The following DERA variants were observed in gnomAD, a reference collection of about 807,000 sequenced individuals.
DERA encodes the protein 2-deoxy-D-ribose 5-phosphate aldolase.
Under a neutral mutation model 41.1 loss-of-function variants are expected in DERA, and 15 were observed. The observed-to-expected ratio is 0.37, with a 90% CI of 0.24 to 0.56. DERA has a LOEUF of 0.56. Among genes scored for constraint, DERA ranks in the 20% least tolerant of loss-of-function variants. The pLI, the probability that DERA is intolerant of heterozygous loss-of-function variation, is 0.81. For missense variants in DERA, 396 were observed against 403.4 expected (o/e 0.98, Z 0.16); for synonymous variants, 139 against 137.4 (o/e 1.01, Z -0.08).
chr12:15,930,066 G>T (rs544404427), intron 1 of DERA, among the ~76,000 whole-genome samples: 2 of 152,278 alleles, frequency 1.3e-5, no homozygotes, highest in East Asian at 3.9e-4. Flanking sequence ...ATTAAATGAG[G>T]TATTATTTGT....
rs79451533 is a variant in DERA, at chr12:15,996,737, A to T, written c.637+14301A>T. ...AGGATTCTTGCTTTATGGTCTTATTATTTTCTGTCAAGAAGACCTGAAGAA... is the reference window on the plus strand; with the variant it reads ...AGGATTCTTGCTTTATGGTCTTATTTTTTTCTGTCAAGAAGACCTGAAGAA... On this transcript the variant is annotated intron_variant, in intron 6 of 8. Coordinates refer to ENST00000428559, the MANE Select transcript of DERA (RefSeq NM_015954.4). This position sits in a 1 kb window ranked among gnomAD's most constrained non-coding sequence, Gnocchi z 4.7. Among the ~76,000 whole-genome samples, 8,616 of 152,214 alleles carry T rather than the reference A, an allele frequency of 0.057. 332 individuals carry two copies. Among genetic ancestry groups the T allele is most frequent in the Middle Eastern group, 0.099 (29 of 294 alleles).
Position 16,010,737 on chromosome 12 carries a change from G to T in DERA, c.638-21805G>T, listed in dbSNP as rs1032540618. Among the ~76,000 whole-genome samples the T allele has an allele frequency of 4.6e-5, 7 of 152,024 alleles. No individual in the cohort carries two copies. The highest frequency in any genetic ancestry group is 1.7e-4 in the African/African-American group (7 of 41,390). On this transcript the variant is annotated intron_variant, in intron 6 of 8. Transcript: ENST00000428559. The surrounding 1 kb of genome is among the most constrained non-coding windows in gnomAD (Gnocchi z 5.5). Reference sequence around the variant, plus strand: ...AAATGCTTTCCATTCAGGGCTGTTTGAAAGTTCACCTGTCTATGGATCTGC... The same window carrying T: ...AAATGCTTTCCATTCAGGGCTGTTTTAAAGTTCACCTGTCTATGGATCTGC...
rs1949130629 is a variant in DERA at position 16,036,627 on chromosome 12, AATT to A, written c.901-58_901-56del. On this transcript the variant is annotated intron_variant, in intron 8 of 8. Coordinates refer to ENST00000428559, the MANE Select transcript of DERA (RefSeq NM_015954.4). This position sits in a 1 kb window ranked among gnomAD's most constrained non-coding sequence, Gnocchi z 4.9. ...ACTATTTATTATTATTTGATAGTAT[AATT>A]ATTAACTGATGTGTATAATTATAGA... 2.5e-6 allele frequency: 3 copies of A among 1,218,052 alleles called. No homozygotes were observed. Among genetic ancestry groups the A allele is most frequent in the Non-Finnish European group, 1.2e-6 (1 of 843,996 alleles). The allele number at this position is 1,218,052 out of a possible 1,614,324, so 75.5% of individuals were successfully genotyped here. A position where few individuals can be genotyped will look rare whatever the true frequency, so the allele number is the denominator to read the frequency against.
At chr12:15,973,013 T>G (rs1169733697) in intron 5 of DERA, among the ~76,000 whole-genome samples, 1 of 152,136 alleles carries the variant, frequency 6.6e-6, no homozygotes, top group Non-Finnish European at 1.5e-5. Flanking sequence ...CACACAGGCC[T>G]TTCTCATTGT....
intron 6 of DERA, among the ~76,000 whole-genome samples, chr12:16,027,007 A>C (rs1477785426): frequency 6.6e-6 from 1 of 152,182 alleles, no homozygotes; most frequent in African/African-American, 2.4e-5. Flanking sequence ...GTTCAACATA[A>C]TGTAATCCAT....
rs1451956489 is a variant in DERA at position 15,982,822 on chromosome 12, C to G, written c.637+386C>G. On this transcript the variant is annotated intron_variant, in intron 6 of 8. Coordinates refer to ENST00000428559, the MANE Select transcript of DERA (RefSeq NM_015954.4). The surrounding 1 kb of genome is among the most constrained non-coding windows in gnomAD (Gnocchi z 4.0). ...TCTCAGAGATATATATCCATACTAT[C>G]TGAGACAGCCTCTGCTTTTGTTTGT... is the stretch of plus-strand genomic sequence containing the variant. Among the ~76,000 whole-genome samples, 1 of 152,214 alleles carries G rather than the reference C, an allele frequency of 6.6e-6. No individual in the cohort carries two copies. The highest frequency in any genetic ancestry group is 2.4e-5 in the African/African-American group (1 of 41,460).
intron 5 of DERA, among the ~76,000 whole-genome samples, chr12:15,978,301 T>C (rs976840008): frequency 1.3e-5 from 2 of 152,180 alleles, no homozygotes; most frequent in African/African-American, 4.8e-5. Flanking sequence ...TATTTTTTCT[T>C]ATATGTAAGA....
rs774948387 is a variant in DERA at position 16,036,732 on chromosome 12, C to G, written c.943C>G (p.Leu315Val). The change falls in exon 9 of 9, where the codon CTT becomes GTT. Residue 315 changes from leucine (L) to valine (V), a missense_variant. Coordinates refer to ENST00000428559, the MANE Select transcript of DERA (RefSeq NM_015954.4). This position sits in a 1 kb window ranked among gnomAD's most constrained non-coding sequence, Gnocchi z 4.9. ...VTGRYAAYHD[L>V]PMS ...TGGAAGATATGCAGCTTATCATGAT[C>G]TTCCAATGTCTTAAATCAGTCACCA... is the stretch of plus-strand genomic sequence containing the variant. 1 of 1,597,266 alleles carries G rather than the reference C, an allele frequency of 6.3e-7. No homozygotes were observed. The highest frequency in any genetic ancestry group is 8.5e-7 in the Non-Finnish European group (1 of 1,174,232).
intron 1 of DERA, among the ~76,000 whole-genome samples, chr12:15,929,979 G>A (rs1307612857): frequency 1.3e-5 from 2 of 152,100 alleles, no homozygotes; most frequent in African/African-American, 4.8e-5. Flanking sequence ...TCAAATCCTG[G>A]TTCTTCTACC....
rs1051307623 is a variant in DERA at position 16,020,062 on chromosome 12, G to C, written c.638-12480G>C. 6.6e-6 allele frequency among the ~76,000 whole-genome samples: 1 copy of C among 152,142 alleles called. No homozygotes were observed. The highest frequency in any genetic ancestry group is 2.4e-5 in the African/African-American group (1 of 41,432). On this transcript the variant is annotated intron_variant, in intron 6 of 8. Transcript: ENST00000428559. This position sits in a 1 kb window ranked among gnomAD's most constrained non-coding sequence, Gnocchi z 5.5. ...GCCTGCTCTCTTTGCTTTCTGCTGT[G>C]ATTGTAAGCCTCCCAGGAGCCTCTC...
chr12:15,957,039 G>C lies in DERA; in HGVS notation c.129+6G>C, dbSNP rs1948545698. 6.2e-7 allele frequency: 1 copy of C among 1,611,580 alleles called. No individual in the cohort carries two copies. The highest frequency in any genetic ancestry group is 8.5e-7 in the Non-Finnish European group (1 of 1,177,890). Reference sequence around the variant, plus strand: ...CCGTGAAAAAGGAGTGGCAGGTAAGGGTTCTTCTTGAGCATTCTGTGCCTG... The same window carrying C: ...CCGTGAAAAAGGAGTGGCAGGTAAGCGTTCTTCTTGAGCATTCTGTGCCTG... On this transcript the variant is annotated splice_donor_region_variant and intron_variant, in intron 2 of 8. Coordinates refer to ENST00000428559, the MANE Select transcript of DERA (RefSeq NM_015954.4). The surrounding 1 kb of genome is among the most constrained non-coding windows in gnomAD (Gnocchi z 4.8).
At chr12:15,925,998 T>C (rs750693022) in intron 1 of DERA, among the ~76,000 whole-genome samples, 10 of 151,784 alleles carry the variant, frequency 6.6e-5, no homozygotes, top group Non-Finnish European at 1.5e-4. Flanking sequence ...GATTTTTGTA[T>C]TTTTAGTAGA....
chr12:15,959,902 C>A lies in DERA; in HGVS notation c.351C>A (p.Gly117=), dbSNP rs368204530. 1.5e-4 allele frequency: 231 copies of A among 1,548,036 alleles called. No individual in the cohort carries two copies. Among genetic ancestry groups the A allele is most frequent in the Non-Finnish European group, 6.1e-5 (70 of 1,143,774 alleles). The change falls in exon 4 of 9, where the codon GGC becomes GGA. Residue 117 remains glycine, a synonymous_variant. Coordinates refer to ENST00000428559, the MANE Select transcript of DERA (RefSeq NM_015954.4). The surrounding 1 kb of genome is among the most constrained non-coding windows in gnomAD (Gnocchi z 4.5). ...CDAVKALKAA[G]CNIPVASVAA... The stretch of plus-strand genomic sequence containing the variant: ...CTGTAAAAGCACTCAAGGCTGCAGG[C>A]TGTAATATCCCTGTGGCATCAGGTA...
In DERA at chr12:16,014,365, T is replaced by C. The variant is rs1486005931; in HGVS notation, c.638-18177T>C. On this transcript the variant is annotated intron_variant, in intron 6 of 8. Coordinates refer to ENST00000428559, the MANE Select transcript of DERA (RefSeq NM_015954.4). The surrounding 1 kb of genome is among the most constrained non-coding windows in gnomAD (Gnocchi z 5.4). ...GGCCAGGCCTAGGGCCTTGCTACTT[T>C]GTATAGTCTCAGGACTTGGTGCCCT... 6.6e-6 allele frequency among the ~76,000 whole-genome samples: 1 copy of C among 152,148 alleles called. No homozygotes were observed. The highest frequency in any genetic ancestry group is 1.5e-5 in the Non-Finnish European group (1 of 68,032).
chr12:16,017,540 C>T lies in DERA; in HGVS notation c.638-15002C>T, dbSNP rs1948990718. 6.6e-6 allele frequency among the ~76,000 whole-genome samples: 1 copy of T among 152,186 alleles called. No individual in the cohort carries two copies. Among genetic ancestry groups the T allele is most frequent in the Non-Finnish European group, 1.5e-5 (1 of 68,038 alleles). ...TTTAGTATTAGTATCACATTGATAC[C>T]TCCAGAGGGGCTTTCTGCTTCCATA... On this transcript the variant is annotated intron_variant, in intron 6 of 8. Transcript: ENST00000428559. The surrounding 1 kb of genome is among the most constrained non-coding windows in gnomAD (Gnocchi z 5.5).
In DERA at chr12:15,958,514, C is replaced by CT. The variant is rs78571301; in HGVS notation, c.277+198dup. On this transcript the variant is annotated intron_variant, in intron 3 of 8. Transcript: ENST00000428559. ...AAAACAGCAGGAAGAGAATCTGAGT[C>CT]TTTTTTTTTTTTTTTTTTTGAGGTC... Among the ~76,000 whole-genome samples the CT allele has an allele frequency of 4.4e-3, 542 of 124,060 alleles. 3 individuals are homozygous for CT. Among genetic ancestry groups the CT allele is most frequent in the African/African-American group, 0.012 (411 of 33,882 alleles). 81.4% of individuals were successfully genotyped at this position (124,060 alleles called of 152,430 possible).
chr12:15,924,207 C>T lies in DERA; in HGVS notation c.31+12793C>T, dbSNP rs1039784792. 3.3e-5 allele frequency among the ~76,000 whole-genome samples: 5 copies of T among 152,078 alleles called. No homozygotes were observed. The highest frequency in any genetic ancestry group is 1.2e-4 in the African/African-American group (5 of 41,392). On this transcript the variant is annotated intron_variant, in intron 1 of 8. Coordinates refer to ENST00000428559, the MANE Select transcript of DERA (RefSeq NM_015954.4). The surrounding 1 kb of genome is among the most constrained non-coding windows in gnomAD (Gnocchi z 5.0). ...CTTTGGGATGCTGCAGTGGGAGGAT[C>T]GCTTGAGCCCAGGAGTTTGAGATTA... is the stretch of plus-strand genomic sequence containing the variant.
intron 6 of DERA, among the ~76,000 whole-genome samples, chr12:16,016,598 G>A (rs1045678498): frequency 5.3e-5 from 8 of 151,606 alleles, no homozygotes; most frequent in Non-Finnish European, 7.4e-5. Flanking sequence ...TCAGGAGTTC[G>A]AGACCAGCCC....
At position 15,983,035 on chromosome 12, in the gene DERA, C is replaced by T. The variant is rs191593517; in HGVS notation, c.637+599C>T. Among the ~76,000 whole-genome samples the T allele has an allele frequency of 9.0e-4, 137 of 152,270 alleles. 1 individual carries two copies. Among genetic ancestry groups the T allele is most frequent in the African/African-American group, 3.2e-3 (133 of 41,548 alleles). ...TCAGTGAAGAAGCCTTGAGAGTTCT[C>T]TCTAGACCTCTTTGCTGTGTCTGAC... On this transcript the variant is annotated intron_variant, in intron 6 of 8. Transcript: ENST00000428559. The surrounding 1 kb of genome is among the most constrained non-coding windows in gnomAD (Gnocchi z 6.2).
Sources: allele counts gnomAD v4.1 joint callset (sites outside exome capture counted in the v4.1 genomes callset), GRCh38; gene constraint gnomAD v4.1.1; non-coding constraint Gnocchi (gnomAD v3.1); transcripts MANE v1.5; gene names NCBI Gene and HGNC (gene_info 2026-07-23, HGNC 2026-07-21).